The following CD6 variants were observed in gnomAD, a reference collection of about 807,000 sequenced individuals.
CD6 encodes CD6 molecule.
A neutral mutation model predicts 75.3 loss-of-function variants in CD6; 53 were observed. The ratio of observed to expected loss-of-function variants is 0.70; its 90% CI spans 0.56 to 0.88. The LOEUF (loss-of-function observed/expected upper bound fraction) is 0.88. Among genes scored for constraint, CD6 ranks in the 40% least tolerant of loss-of-function variants. The pLI is 0.00. For synonymous variants in CD6, 359 were observed against 381.5 expected (o/e 0.94, Z 0.69); for missense variants, 770 against 897.1 (o/e 0.86, Z 1.81).
chr11:60,998,882 G>A (rs1858435268), intron 1 of CD6, among the ~76,000 whole-genome samples: 2 of 150,882 alleles, frequency 1.3e-5, no homozygotes, highest in South Asian at 4.2e-4. Flanking sequence ...AAACAGGCCA[G>A]GCACAGTGGC....
At chr11:60,999,087 G>A (rs1250694638) in intron 1 of CD6, among the ~76,000 whole-genome samples, 8 of 152,124 alleles carry the variant, frequency 5.3e-5, no homozygotes, top group Non-Finnish European at 8.8e-5. Flanking sequence ...GAACTCGGGA[G>A]GCGGAGGTTG....
intron 1 of CD6, among the ~76,000 whole-genome samples, chr11:60,972,791 G>A (rs961801545): frequency 3.3e-5 from 5 of 152,192 alleles, no homozygotes; most frequent in African/African-American, 1.2e-4. Flanking sequence ...GACCCAGTCA[G>A]GAGGGGGCAT....
At chr11:61,015,150 A>G (rs1329990189) in intron 8 of CD6, among the ~76,000 whole-genome samples, 4 of 152,234 alleles carry the variant, frequency 2.6e-5, no homozygotes, top group African/African-American at 9.6e-5. Context: ...AATACTTGTA[A>G]GTGTTAGAAT....
chr11:60,977,185 A>T (rs559561017), intron 1 of CD6, among the ~76,000 whole-genome samples: 1 of 152,206 alleles, frequency 6.6e-6, no homozygotes, highest in East Asian at 1.9e-4. Context: ...TTTATAGAAC[A>T]CTCAAGAATT....
At chr11:60,999,108 A>G (rs986516758) in intron 1 of CD6, among the ~76,000 whole-genome samples, 9 of 152,252 alleles carry the variant, frequency 5.9e-5, no homozygotes, top group African/African-American at 2.2e-4. Flanking sequence ...CAGTGAGTTG[A>G]GATGGCACCA....
intron 1 of CD6, among the ~76,000 whole-genome samples, chr11:61,003,919 AAAAT>A (rs141542365): frequency 0.032 from 4,908 of 152,242 alleles, 283 homozygotes; most frequent in East Asian, 0.23. Context: ...GCTTGACACA[AAAAT>A]AAAGCCCTCG....
At chr11:61,016,591 A>G (rs1859415789) in intron 9 of CD6, among the ~76,000 whole-genome samples, 1 of 152,248 alleles carries the variant, frequency 6.6e-6, no homozygotes, top group South Asian at 2.1e-4. Context: ...TACATGGTCC[A>G]GAATGGCTCA....
At position 61,019,318 on chromosome 11, in the gene CD6, G is replaced by A; in HGVS notation, c.2007G>A (p.Ter669=). 6.2e-7 allele frequency: 1 copy of A among 1,606,990 alleles called. No homozygotes were observed. Among genetic ancestry groups the A allele is most frequent in the Non-Finnish European group, 8.5e-7 (1 of 1,179,492 alleles). ...NDDYDDISAA[*] ...ACTACGATGACATCAGCGCAGCCTA[G>A]GCCGGGGCCAGCCGAGGCTCCTGGG... The change falls in exon 13 of 13, where the codon TAG becomes TAA. Residue 669 remains the stop codon, a stop_retained_variant. Coordinates refer to ENST00000313421, the MANE Select transcript of CD6 (RefSeq NM_006725.5).
intron 8 of CD6, 29 bp from the exon 9 acceptor site, chr11:61,015,684 C>T (rs1428500513): frequency 1.2e-6 from 2 of 1,613,066 alleles, no homozygotes; most frequent in South Asian, 1.1e-5. Flanking sequence ...CACCACTTTG[C>T]CATGCCCTCG....
rs1234280890 is a variant in CD6 at position 61,007,720 on chromosome 11, C to A, written c.279C>A (p.Ala93=). ...CACTGGGCTGCGGCGGGGCGGAGGC[C>A]GCCTCTCAGCTCGCCCCGCCGACCC... ...CRALGCGGAE[A]ASQLAPPTPE... The change falls in exon 3 of 13, where the codon GCC becomes GCA. Residue 93 remains alanine, a synonymous_variant. Coordinates refer to ENST00000313421, the MANE Select transcript of CD6 (RefSeq NM_006725.5). The surrounding 1 kb of genome is among the most constrained non-coding windows in gnomAD (Gnocchi z 4.2). 1 of 1,393,286 alleles carries A rather than the reference C, an allele frequency of 7.2e-7. No individual in the cohort carries two copies. The highest frequency in any genetic ancestry group is 9.3e-7 in the Non-Finnish European group (1 of 1,074,140). 86.3% of individuals were successfully genotyped at this position (1,393,286 alleles called of 1,614,324 possible). A position where few individuals can be genotyped will look rare whatever the true frequency, so the allele number is the denominator to read the frequency against.
chr11:60,991,866 G>GTATA (rs747676139), intron 1 of CD6, among the ~76,000 whole-genome samples: 2 of 136,570 alleles, frequency 1.5e-5, no homozygotes, highest in African/African-American at 5.1e-5. Flanking sequence ...CTATATATAT[G>GTATA]TATATATATA....
At chr11:61,011,197 G>GTGTA in intron 6 of CD6, 62 bp downstream of exon 6, 5 of 1,342,992 alleles carry the variant, frequency 3.7e-6, no homozygotes, top group Non-Finnish European at 5.3e-6. Context: ...GTGTGTGTGT[G>GTGTA]TGTGTGTTCC....
chr11:60,995,844 G>T (rs1233893616), intron 1 of CD6, among the ~76,000 whole-genome samples: 1 of 152,208 alleles, frequency 6.6e-6, no homozygotes, highest in Non-Finnish European at 1.5e-5. Context: ...TGGGAAATGA[G>T]TCCCTGGATC....
At chr11:60,978,438 G>A (rs977961085) in intron 1 of CD6, among the ~76,000 whole-genome samples, 2 of 152,230 alleles carry the variant, frequency 1.3e-5, no homozygotes, top group African/African-American at 4.8e-5. Flanking sequence ...CTGGGGAGGA[G>A]AAGGAACCTT....
At chr11:61,013,665 G>T in intron 7 of CD6, 102 bp downstream of exon 7, 1 of 1,309,050 alleles carries the variant, frequency 7.6e-7, no homozygotes. Flanking sequence ...ACCCGGCCCT[G>T]GCCCTGGGGA....
At chr11:60,973,674 G>A (rs868777384) in intron 1 of CD6, among the ~76,000 whole-genome samples, 1 of 152,200 alleles carries the variant, frequency 6.6e-6, no homozygotes, top group South Asian at 2.1e-4. Context: ...AAGGGGTGAT[G>A]AGGAGGGGAG....
At chr11:61,006,540 A>G (rs538390770) in intron 1 of CD6, 34 bp from the exon 2 acceptor site, 1 of 1,552,354 alleles carries the variant, frequency 6.4e-7, no homozygotes, top group Non-Finnish European at 8.7e-7. Flanking sequence ...GCCTGAGCTC[A>G]CTCACCCACC....
chr11:60,995,775 C>T (rs1565150187), intron 1 of CD6, among the ~76,000 whole-genome samples: 1 of 152,140 alleles, frequency 6.6e-6, no homozygotes, highest in East Asian at 1.9e-4. Flanking sequence ...CCCAGGACCC[C>T]CTGCCCCGGA....
intron 1 of CD6, among the ~76,000 whole-genome samples, chr11:60,988,239 T>A (rs112848141): frequency 2.6e-5 from 4 of 152,352 alleles, no homozygotes; most frequent in African/African-American, 9.6e-5. Context: ...GTGCGTGCTG[T>A]ATACATAAAG....
Sources: gnomAD v4.1 joint callset for allele counts (sites outside exome capture counted in the v4.1 genomes callset) on GRCh38, gnomAD v4.1.1 for gene constraint, Gnocchi (gnomAD v3.1) non-coding constraint, MANE v1.5 for transcripts, NCBI Gene and HGNC (gene_info 2026-07-23, HGNC 2026-07-21) for gene names.